VSTM2B: variants seen among roughly 807,000 people sequenced by gnomAD.
The protein encoded by VSTM2B is V-set and transmembrane domain containing 2B, also known as V-set and transmembrane domain-containing protein 2B.
A neutral mutation model predicts 24.0 loss-of-function variants in VSTM2B; 24 were observed. The observed-to-expected ratio is 1.00, with a 90% CI of 0.72 to 1.40. The LOEUF is 1.40. Among genes scored for constraint, VSTM2B ranks in the 40% most tolerant of loss-of-function variants. VSTM2B has a pLI of 0.00. For missense variants in VSTM2B, 399 were observed against 416.4 expected (o/e 0.96, Z 0.36); for synonymous variants, 226 against 194.4 (o/e 1.16, Z -1.35).
At chr19:29,535,554 A>G (rs1330352101) in intron 4 of VSTM2B, among the ~76,000 whole-genome samples, 1 of 152,150 alleles carries the variant, frequency 6.6e-6, no homozygotes, top group Non-Finnish European at 1.5e-5. Flanking sequence ...TGAGAGAAAG[A>G]CAGCCAAGGC....
chr19:29,533,532 AG>A (rs1399612555), intron 4 of VSTM2B, among the ~76,000 whole-genome samples: 1 of 152,218 alleles, frequency 6.6e-6, no homozygotes, highest in Non-Finnish European at 1.5e-5. Context: ...CTCACTCTCC[AG>A]GTGAAGCTCT....
At position 29,527,203 on chromosome 19, in the gene VSTM2B, AC is replaced by A; in HGVS notation, c.83-3del. ...TGGTCACGCCTCTCTCTCTCTCCCCACCCCCAGCTGCATTCACAGAAGTCCC... is the reference window on the plus strand; with the variant it reads ...TGGTCACGCCTCTCTCTCTCTCCCCACCCCAGCTGCATTCACAGAAGTCCC... On this transcript the variant is annotated splice_polypyrimidine_tract_variant and splice_region_variant and intron_variant, in intron 1 of 4. Coordinates refer to ENST00000335523, the MANE Select transcript of VSTM2B (RefSeq NM_001146339.2). The A allele has an allele frequency of 6.5e-7, 1 of 1,543,946 alleles. No homozygotes were observed. Among genetic ancestry groups the A allele is most frequent in the Non-Finnish European group, 8.7e-7 (1 of 1,143,574 alleles).
At position 29,529,895 on chromosome 19, in the gene VSTM2B, A is replaced by C; in HGVS notation, c.374A>C (p.Tyr125Ser). The change falls in exon 4 of 5, where the codon TAC (tyrosine) becomes TCC (serine). Residue 125 changes from tyrosine to serine, a missense_variant. Physicochemically the swap from Tyr to Ser is moderately radical, Grantham distance 144. Coordinates refer to ENST00000335523, the MANE Select transcript of VSTM2B (RefSeq NM_001146339.2). ...GTGCGGCTGCAGGACGAGGGCGTGT[A>C]CGAGTGCCGCGTGTCGGACTACAGC... is the stretch of plus-strand genomic sequence containing the variant. ...SAVRLQDEGV[Y>S]ECRVSDYSDD... 3 of 1,550,374 alleles carry C rather than the reference A, an allele frequency of 1.9e-6. No individual in the cohort carries two copies. Among genetic ancestry groups the C allele is most frequent in the Non-Finnish European group, 2.6e-6 (3 of 1,146,862 alleles).
At position 29,529,982 on chromosome 19, in the gene VSTM2B, C is replaced by T; in HGVS notation, c.461C>T (p.Pro154Leu). Residue 154 changes from proline (P) to leucine (L), a missense_variant, in exon 4 of 5, where the codon CCG (proline) becomes CTG (leucine). Coordinates refer to ENST00000335523, the MANE Select transcript of VSTM2B (RefSeq NM_001146339.2). ...AMLRVLSRFA[P>L]PNMQAAEAVS... ...CTGCGCGTGCTCTCGCGCTTCGCGC[C>T]GCCCAACATGCAGGCCGCCGAGGCC... is the stretch of plus-strand genomic sequence containing the variant. The T allele has an allele frequency of 6.5e-7, 1 of 1,545,142 alleles. No individual in the cohort carries two copies. Among genetic ancestry groups the T allele is most frequent in the East Asian group, 2.4e-5 (1 of 40,872 alleles).
chr19:29,549,599 G>A (rs1293685646), intron 4 of VSTM2B, among the ~76,000 whole-genome samples: 1 of 151,632 alleles, frequency 6.6e-6, no homozygotes, highest in Non-Finnish European at 1.5e-5. Flanking sequence ...GGAGACCCCT[G>A]ATGCTGGCCC....
chr19:29,560,092 T>G (rs1367677888), intron 4 of VSTM2B, among the ~76,000 whole-genome samples: 1 of 152,052 alleles, frequency 6.6e-6, no homozygotes, highest in Non-Finnish European at 1.5e-5. Flanking sequence ...TGACAGTGGG[T>G]TCTAGGAGGC....
In VSTM2B at chr19:29,526,699, C is replaced by A. The variant is rs1247889519; in HGVS notation, c.82+34C>A. On this transcript the variant is annotated intron_variant, in intron 1 of 4. Transcript: ENST00000335523. The surrounding 1 kb of genome is among the most constrained non-coding windows in gnomAD (Gnocchi z 4.1). ...GGGAACTTTGCTGCCGCTGTGGACT[C>A]GGGGGGGTCTTTGCTGGGGCCGCCA... 1.3e-6 allele frequency: 2 copies of A among 1,510,038 alleles called. No homozygotes were observed. Among genetic ancestry groups the A allele is most frequent in the Non-Finnish European group, 1.8e-6 (2 of 1,129,464 alleles). 93.5% of individuals were successfully genotyped at this position (1,510,038 alleles called of 1,614,324 possible).
At chr19:29,538,173 T>C (rs1270854932) in intron 4 of VSTM2B, among the ~76,000 whole-genome samples, 1 of 152,150 alleles carries the variant, frequency 6.6e-6, no homozygotes, top group Non-Finnish European at 1.5e-5. Flanking sequence ...CTTCATACCC[T>C]AAGTATTATG....
chr19:29,555,397 AC>A (rs1970382783), intron 4 of VSTM2B, among the ~76,000 whole-genome samples: 1 of 152,050 alleles, frequency 6.6e-6, no homozygotes, highest in Admixed American at 6.5e-5. Context: ...CTGGGACACA[AC>A]TGAAGCAGTG....
At chr19:29,555,780 C>T (rs1970391641) in intron 4 of VSTM2B, among the ~76,000 whole-genome samples, 1 of 152,106 alleles carries the variant, frequency 6.6e-6, no homozygotes, top group Non-Finnish European at 1.5e-5. Flanking sequence ...CTATAAACTC[C>T]TCTATGCAAA....
chr19:29,526,982 C>A lies in VSTM2B; in HGVS notation c.83-229C>A, dbSNP rs915928157. 7.1e-5 allele frequency: 34 copies of A among 479,174 alleles called. No homozygotes were observed. The highest frequency in any genetic ancestry group is 5.5e-4 in the Middle Eastern group (1 of 1,816). The allele number at this position is 479,174 out of a possible 1,614,324, so 29.7% of individuals were successfully genotyped here. Reference sequence around the variant, plus strand: ...GGGGGAGAAGCACGAGTCGCCCCTGCCGCCCCGCCCCATCCGGAGGGAAGC... The same window carrying A: ...GGGGGAGAAGCACGAGTCGCCCCTGACGCCCCGCCCCATCCGGAGGGAAGC... On this transcript the variant is annotated intron_variant, in intron 1 of 4. Coordinates refer to ENST00000335523, the MANE Select transcript of VSTM2B (RefSeq NM_001146339.2). The surrounding 1 kb of genome is among the most constrained non-coding windows in gnomAD (Gnocchi z 4.1).
rs919612975 is a variant in VSTM2B at position 29,528,439 on chromosome 19, A to G, written c.274A>G (p.Asn92Asp). 2 of 1,551,174 alleles carry G rather than the reference A, an allele frequency of 1.3e-6. No individual in the cohort carries two copies. The highest frequency in any genetic ancestry group is 2.4e-5 in the East Asian group (1 of 40,908). ...CTCCCTCTTTGCATTTTAGGTAACA[A>G]ATAAGGATGCAACTAAAATCAGCGT... The part of the protein sequence containing the change: ...SVPGARSKVT[N>D]KDATKISTVR... Residue 92 changes from asparagine (N) to aspartate (D), a missense_variant, in exon 3 of 5, where the codon AAT becomes GAT. Physicochemically the swap from Asn to Asp is conservative, Grantham distance 23. Transcript: ENST00000335523.
Position 29,526,764 on chromosome 19 carries a change from C to T in VSTM2B, c.82+99C>T, listed in dbSNP as rs1969580558. The T allele has an allele frequency of 2.6e-6, 3 of 1,157,760 alleles. No individual in the cohort carries two copies. The highest frequency in any genetic ancestry group is 3.6e-6 in the Non-Finnish European group (3 of 827,906). 71.7% of individuals were successfully genotyped at this position (1,157,760 alleles called of 1,614,324 possible). On this transcript the variant is annotated intron_variant, in intron 1 of 4. Coordinates refer to ENST00000335523, the MANE Select transcript of VSTM2B (RefSeq NM_001146339.2). The surrounding 1 kb of genome is among the most constrained non-coding windows in gnomAD (Gnocchi z 4.1). ...AAAGAGAACGAACCGGGAAGCTTCG[C>T]GGTCTCCAGCAATCCCGCTGTGCAG...
chr19:29,550,757 G>A (rs1970261765), intron 4 of VSTM2B, among the ~76,000 whole-genome samples: 1 of 151,916 alleles, frequency 6.6e-6, no homozygotes, highest in Non-Finnish European at 1.5e-5. Context: ...AGCCAGACCA[G>A]CCTGTTGTCC....
In VSTM2B at chr19:29,527,312, G is replaced by C. The variant is rs1969604687; in HGVS notation, c.184G>C (p.Glu62Gln). ...CAGCGGAGCCACCTCGTATTCGCTG[G>C]AGATTCAGTGGTGGTACCTCAAGGA... ...RASGATSYSL[E>Q]IQWWYLKEPP... Residue 62 changes from glutamate to glutamine, a missense_variant, in exon 2 of 5, where the codon GAG becomes CAG. Transcript: ENST00000335523. 1 of 1,550,154 alleles carries C rather than the reference G, an allele frequency of 6.5e-7. No homozygotes were observed. The highest frequency in any genetic ancestry group is 1.4e-5 in the African/African-American group (1 of 73,012).
rs567014229 is a variant in VSTM2B at position 29,532,763 on chromosome 19, A to G, written c.769+2473A>G. On this transcript the variant is annotated intron_variant, in intron 4 of 4. Transcript: ENST00000335523. ...TGGTCATTAGCTGCACTAGCTGGAG[A>G]GGAGAGGATGGGCAGATAAAGCTAA... Among the ~76,000 whole-genome samples the G allele has an allele frequency of 5.3e-5, 8 of 152,272 alleles. No homozygotes were observed. In the South Asian group the frequency reaches 1.7e-3, roughly 32 times the overall value.
At chr19:29,550,117 C>T (rs934680769) in intron 4 of VSTM2B, among the ~76,000 whole-genome samples, 5 of 152,212 alleles carry the variant, frequency 3.3e-5, no homozygotes, top group African/African-American at 1.2e-4. Context: ...CCTTTCTAGC[C>T]AAGAAGCCCT....
At chr19:29,555,428 C>T (rs1970383729) in intron 4 of VSTM2B, among the ~76,000 whole-genome samples, 1 of 152,148 alleles carries the variant, frequency 6.6e-6, no homozygotes, top group Non-Finnish European at 1.5e-5. Flanking sequence ...AAAATTATAG[C>T]ACTAAATGCC....
chr19:29,535,118 G>A (rs1348446796), intron 4 of VSTM2B, among the ~76,000 whole-genome samples: 2 of 152,228 alleles, frequency 1.3e-5, no homozygotes, highest in South Asian at 2.1e-4. Context: ...TGCATTAGCA[G>A]AGCAGAGCAG....
Sources: allele counts gnomAD v4.1 joint callset (sites outside exome capture counted in the v4.1 genomes callset), GRCh38; gene constraint gnomAD v4.1.1; non-coding constraint Gnocchi (gnomAD v3.1); transcripts MANE v1.5; gene names NCBI Gene and HGNC (gene_info 2026-07-23, HGNC 2026-07-21).